The following RARA variants were observed in gnomAD, a reference collection of about 807,000 sequenced individuals.
RARA encodes the protein PML-DDX5-RARA fusion.
In RARA, 5 loss-of-function variants were observed where a neutral mutation model predicts 42.8. That is an observed-to-expected ratio of 0.12 (90% confidence interval 0.06 to 0.25). The LOEUF is 0.25. Ranked by LOEUF, RARA falls within the 10% of genes least tolerant of loss-of-function variation. RARA has a pLI of 1.00. For missense variants in RARA, 402 were observed against 628.7 expected, an observed-to-expected ratio of 0.64 and a Z score of 3.86; for synonymous variants, 256 against 259.5, an observed-to-expected ratio of 0.99 and a Z score of 0.13.
chr17:40,341,529 G>C, intron 2 of RARA: 21 of 1,473,100 alleles, frequency 1.4e-5, no homozygotes, highest in Non-Finnish European at 1.9e-5. Flanking sequence ...CCGCGTCTCC[G>C]GGGGAGGTGG....
At position 40,351,688 on chromosome 17, in the gene RARA, T is replaced by C. The variant is rs1341584115; in HGVS notation, c.470-222T>C. On this transcript the variant is annotated intron_variant, in intron 4 of 8. Coordinates refer to ENST00000254066, the MANE Select transcript of RARA (RefSeq NM_000964.4). The surrounding 1 kb of genome is among the most constrained non-coding windows in gnomAD (Gnocchi z 4.1). The stretch of plus-strand genomic sequence containing the variant: ...GGGGGTGTGTGCAGGGCCACAGCTG[T>C]GCTCATGGGGCTTCTGGGGCAGAAC... 1.3e-5 allele frequency among the ~76,000 whole-genome samples: 2 copies of C among 151,606 alleles called. No individual in the cohort carries two copies. The highest frequency in any genetic ancestry group is 2.9e-5 in the Non-Finnish European group (2 of 67,888).
Position 40,341,038 on chromosome 17 carries a change from G to A in RARA, c.179-7278G>A, listed in dbSNP as rs1045565266. ...CTAGAAGAATGTCCTTGGGTAGCAT[G>A]TACATTTCCATCCTTCCTTTTAGAG... On this transcript the variant is annotated intron_variant, in intron 2 of 8. Coordinates refer to ENST00000254066, the MANE Select transcript of RARA (RefSeq NM_000964.4). 4.2e-5 allele frequency: 17 copies of A among 400,490 alleles called. No individual in the cohort carries two copies. In the Admixed American group the frequency reaches 6.6e-4, roughly 16 times the overall value. The allele number at this position is 400,490 out of a possible 1,614,324, so 24.8% of individuals were successfully genotyped here.
At chr17:40,350,354 G>C (rs1020961847) in intron 4 of RARA, 4 of 163,116 alleles carry the variant, frequency 2.5e-5, no homozygotes, top group East Asian at 1.8e-4. Flanking sequence ...GTGTGTATGG[G>C]GGGGTGGAAG....
intron 1 of RARA, among the ~76,000 whole-genome samples, chr17:40,328,272 G>A (rs1028157463): frequency 3.3e-5 from 5 of 152,100 alleles, no homozygotes; most frequent in Non-Finnish European, 7.4e-5. Context: ...CAGATTTGAG[G>A]CTAGAGTCTG....
chr17:40,334,269 G>A (rs1372896408), intron 2 of RARA, among the ~76,000 whole-genome samples: 1 of 152,158 alleles, frequency 6.6e-6, no homozygotes, highest in African/African-American at 2.4e-5. Flanking sequence ...AGCCTTCTTC[G>A]GCTTTCTCCA....
intron 1 of RARA, among the ~76,000 whole-genome samples, chr17:40,315,465 T>G (rs900983241): frequency 6.6e-6 from 1 of 152,096 alleles, no homozygotes; most frequent in African/African-American, 2.4e-5. Flanking sequence ...CCTTCAGGAC[T>G]GTGAGAATCA....
At chr17:40,332,287 A>C (rs35286757) in intron 2 of RARA, among the ~76,000 whole-genome samples, 1 of 151,730 alleles carries the variant, frequency 6.6e-6, no homozygotes, top group Non-Finnish European at 1.5e-5. Context: ...GGGACGGGAG[A>C]GGGTGGAAGC....
Position 40,351,568 on chromosome 17 carries a change from G to T in RARA, c.470-342G>T. 1 of 476,138 alleles carries T rather than the reference G, an allele frequency of 2.1e-6. No individual in the cohort carries two copies. The highest frequency in any genetic ancestry group is 4.2e-6 in the Non-Finnish European group (1 of 236,654). The allele number at this position is 476,138 out of a possible 1,614,324, so 29.5% of individuals were successfully genotyped here. ...CGGGAGAAGGACCTTCCTGGGGAAA[G>T]AGGAGGCAGAGCACCTAGGAGGGCA... On this transcript the variant is annotated intron_variant, in intron 4 of 8. Coordinates refer to ENST00000254066, the MANE Select transcript of RARA (RefSeq NM_000964.4). The surrounding 1 kb of genome is among the most constrained non-coding windows in gnomAD (Gnocchi z 4.1).
At chr17:40,328,960 G>A (rs967520767) in intron 1 of RARA, among the ~76,000 whole-genome samples, 2 of 152,128 alleles carry the variant, frequency 1.3e-5, no homozygotes, top group Non-Finnish European at 1.5e-5. Flanking sequence ...ATATGCCATC[G>A]CTGTGTTTAA....
Position 40,355,953 on chromosome 17 carries a change from C to A in RARA, c.1172-56C>A. ...CCACCTCGAGCCAGGCTTGCTGGGG[C>A]TGGGGGTGGGAGGGCTGGCCCAGCG... On this transcript the variant is annotated intron_variant, in intron 8 of 8. Coordinates refer to ENST00000254066, the MANE Select transcript of RARA (RefSeq NM_000964.4). This position sits in a 1 kb window ranked among gnomAD's most constrained non-coding sequence, Gnocchi z 4.1. 1 of 1,481,046 alleles carries A rather than the reference C, an allele frequency of 6.8e-7. No homozygotes were observed. The highest frequency in any genetic ancestry group is 9.1e-7 in the Non-Finnish European group (1 of 1,093,828). 91.7% of individuals were successfully genotyped at this position (1,481,046 alleles called of 1,614,324 possible).
At position 40,351,354 on chromosome 17, in the gene RARA, T is replaced by C; in HGVS notation, c.470-556T>C. 1 of 328,302 alleles carries C rather than the reference T, an allele frequency of 3.0e-6. No individual in the cohort carries two copies. Among genetic ancestry groups the C allele is most frequent in the Non-Finnish European group, 6.6e-6 (1 of 151,978 alleles). 20.3% of individuals were successfully genotyped at this position (328,302 alleles called of 1,614,324 possible). A position where few individuals can be genotyped will look rare whatever the true frequency, so the allele number is the denominator to read the frequency against. On this transcript the variant is annotated intron_variant, in intron 4 of 8. Coordinates refer to ENST00000254066, the MANE Select transcript of RARA (RefSeq NM_000964.4). This position sits in a 1 kb window ranked among gnomAD's most constrained non-coding sequence, Gnocchi z 4.1. ...ACCCCATCGCTTCTTTAAAGCCGAGTGGTGTGTGCGGCTCAGCGCCCCTGG... is the reference window on the plus strand; with the variant it reads ...ACCCCATCGCTTCTTTAAAGCCGAGCGGTGTGTGCGGCTCAGCGCCCCTGG...
At chr17:40,343,506 C>T (rs1275073674) in intron 2 of RARA, among the ~76,000 whole-genome samples, 1 of 152,188 alleles carries the variant, frequency 6.6e-6, no homozygotes, top group Non-Finnish European at 1.5e-5. Context: ...GTTGTCCTGG[C>T]CCCAGACACT....
rs762998209 is a variant in RARA at position 40,356,045 on chromosome 17, C to T, written c.1208C>T (p.Pro403Leu). Reference sequence around the variant, plus strand: ...GTGATCACGCTGAAGATGGAGATCCCGGGCTCCATGCCGCCTCTCATCCAG... The same window carrying T: ...GTGATCACGCTGAAGATGGAGATCCTGGGCTCCATGCCGCCTCTCATCCAG... ...ERVITLKMEI[P>L]GSMPPLIQEM... Residue 403 changes from proline (P) to leucine (L), a missense_variant, in exon 9 of 9, where the codon CCG (proline) becomes CTG (leucine). Around this residue, in one of 5 missense-constraint regions of RARA, gnomAD observed 104 missense variants for 160.1 expected, o/e 0.65. Transcript: ENST00000254066. 4.4e-6 allele frequency: 7 copies of T among 1,605,274 alleles called. No individual in the cohort carries two copies. Among genetic ancestry groups the T allele is most frequent in the East Asian group, 2.2e-5 (1 of 44,588 alleles).
At chr17:40,323,739 G>C (rs950850027) in intron 1 of RARA, among the ~76,000 whole-genome samples, 2 of 136,720 alleles carry the variant, frequency 1.5e-5, no homozygotes, top group Non-Finnish European at 3.2e-5. Flanking sequence ...CTTGGGGGGG[G>C]GTCAATGGGT....
chr17:40,321,238 G>A (rs73309031), intron 1 of RARA, among the ~76,000 whole-genome samples: 2,213 of 152,112 alleles, frequency 0.015, 56 homozygotes, highest in African/African-American at 0.051. Context: ...ATGTGTCAGC[G>A]TTGGTGTGTC....
At chr17:40,340,188 C>G (rs1264681311) in intron 2 of RARA, among the ~76,000 whole-genome samples, 3 of 151,566 alleles carry the variant, frequency 2.0e-5, no homozygotes, top group African/African-American at 7.3e-5. Context: ...ATCAGCACTT[C>G]CAGTTTCCTA....
At position 40,342,320 on chromosome 17, in the gene RARA, C is replaced by T. The variant is rs1166404688; in HGVS notation, c.179-5996C>T. On this transcript the variant is annotated intron_variant, in intron 2 of 8. Transcript: ENST00000254066. ...TGGGAGGAGGAAGTGCTCGTTGACC[C>T]CCAGCCCCGCGCTGATCCCGCCCCC... The T allele has an allele frequency of 5.6e-6, 6 of 1,071,088 alleles. No homozygotes were observed. The East Asian group carries it at 2.0e-4, about 36-fold the overall frequency. 66.3% of individuals were successfully genotyped at this position (1,071,088 alleles called of 1,614,324 possible).
intron 2 of RARA, among the ~76,000 whole-genome samples, chr17:40,337,564 TC>T (rs748198285): frequency 1.3e-5 from 2 of 150,366 alleles, no homozygotes; most frequent in African/African-American, 2.5e-5. Context: ...GCGGGCACCC[TC>T]CCCCCGATCT....
intron 1 of RARA, 75 bp from the exon 2 acceptor site, chr17:40,330,782 G>A (rs1338949831): frequency 4.6e-6 from 1 of 218,378 alleles, no homozygotes; most frequent in Non-Finnish European, 9.2e-6. Flanking sequence ...GGCAGCCCAG[G>A]TTGGGGAGCT....
Sources: gnomAD v4.1 joint callset for allele counts (sites outside exome capture counted in the v4.1 genomes callset) on GRCh38, gnomAD v4.1.1 for gene constraint, gnomAD v4.1.1 regional missense constraint, Gnocchi (gnomAD v3.1) non-coding constraint, MANE v1.5 for transcripts, NCBI Gene and HGNC (gene_info 2026-07-23, HGNC 2026-07-21) for gene names.